The following ITPKC variants were observed in gnomAD, a reference collection of about 807,000 sequenced individuals.
The protein encoded by ITPKC is IP3 3-kinase C.
A neutral mutation model predicts 67.1 loss-of-function variants in ITPKC; 33 were observed. The ratio of observed to expected loss-of-function variants is 0.49; its 90% CI spans 0.37 to 0.66. The LOEUF (loss-of-function observed/expected upper bound fraction) is 0.66. Ranked by LOEUF, ITPKC falls within the 30% of genes least tolerant of loss-of-function variation. The pLI, the probability that ITPKC is intolerant of heterozygous loss-of-function variation, is 0.00. For synonymous variants in ITPKC, 341 were observed against 359.8 expected (o/e 0.95, Z 0.59); for missense variants, 820 against 892.1 (o/e 0.92, Z 1.03).
chr19:40,737,758 A>G lies in ITPKC; in HGVS notation c.1837A>G (p.Lys613Glu), dbSNP rs1282944504. 1 of 1,613,908 alleles carries G rather than the reference A, an allele frequency of 6.2e-7. No homozygotes were observed. Among genetic ancestry groups the G allele is most frequent in the Non-Finnish European group, 8.5e-7 (1 of 1,179,922 alleles). The change falls in exon 6 of 7, where the codon AAG (lysine) becomes GAG (glutamate). Residue 613 changes from lysine to glutamate, a missense_variant. Transcript: ENST00000263370. Reference protein sequence around the residue: ...REALEISPFFKTHEVVGSSLL... With the variant: ...REALEISPFFETHEVVGSSLL... ...AGCTCTGGAGATCTCCCCCTTCTTC[A>G]AGACCCACGAGGTGCGAGCCCTGGC...
At position 40,723,965 on chromosome 19, in the gene ITPKC, T is replaced by C. The variant is rs560422467; in HGVS notation, c.1156-1375T>C. Among the ~76,000 whole-genome samples, 3 of 152,368 alleles carry C rather than the reference T, an allele frequency of 2.0e-5. No homozygotes were observed. In the East Asian group the frequency reaches 5.8e-4, roughly 29 times the overall value. The stretch of plus-strand genomic sequence containing the variant: ...CAGGTCAGTGGTGGGTCAAGGGCTC[T>C]GCTTCATGCTGTCTTCACTCAGGGT... On this transcript the variant is annotated intron_variant, in intron 1 of 6. Transcript: ENST00000263370.
intron 3 of ITPKC, among the ~76,000 whole-genome samples, chr19:40,731,606 T>TG (rs1236900828): frequency 2.2e-5 from 3 of 138,070 alleles, no homozygotes; most frequent in Non-Finnish European, 4.8e-5. Flanking sequence ...TTTTTTTTTT[T>TG]TTTTTTTTTT....
Position 40,737,789 on chromosome 19 carries a change from T to C in ITPKC, c.1848+20T>C, listed in dbSNP as rs1292550624. ...CACGAGGTGCGAGCCCTGGCTTCCA[T>C]GGGTGGATGTATGGGTGTCGGGGTC... On this transcript the variant is annotated intron_variant, in intron 6 of 6. Coordinates refer to ENST00000263370, the MANE Select transcript of ITPKC (RefSeq NM_025194.3). 1 of 1,602,828 alleles carries C rather than the reference T, an allele frequency of 6.2e-7. No homozygotes were observed. The highest frequency in any genetic ancestry group is 8.5e-7 in the Non-Finnish European group (1 of 1,169,896).
Position 40,739,803 on chromosome 19 carries a change from G to A in ITPKC, c.*243G>A, listed in dbSNP as rs2082315538. ...TGGAAGGAAGGTGATGAGGCAGTGA[G>A]TCAGAAAAACCAGAACGGGGTCCCC... On this transcript the variant is annotated 3_prime_UTR_variant, in exon 7 of 7. Coordinates refer to ENST00000263370, the MANE Select transcript of ITPKC (RefSeq NM_025194.3). The A allele has an allele frequency of 1.8e-6, 1 of 557,388 alleles. No homozygotes were observed. Among genetic ancestry groups the A allele is most frequent in the South Asian group, 2.2e-5 (1 of 46,024 alleles). 34.5% of individuals were successfully genotyped at this position (557,388 alleles called of 1,614,324 possible).
intron 3 of ITPKC, among the ~76,000 whole-genome samples, chr19:40,731,763 A>G (rs2082272339): frequency 6.6e-6 from 1 of 152,058 alleles, no homozygotes; most frequent in African/African-American, 2.4e-5. Flanking sequence ...TTAAGACACC[A>G]GCATTCCTTC....
intron 2 of ITPKC, among the ~76,000 whole-genome samples, chr19:40,726,878 C>A (rs535260293): frequency 3.3e-5 from 5 of 151,518 alleles, no homozygotes; most frequent in African/African-American, 9.7e-5. Flanking sequence ...CTTGTCTCTA[C>A]GAAAAATAAA....
Position 40,718,300 on chromosome 19 carries a change from A to AC in ITPKC, c.1155+13dup. Reference sequence around the variant, plus strand: ...CGAGGACAGGTCTGGGGTGAGTGGGACCCATCCTGCCCTTGAGCCACATCA... The same window carrying AC: ...CGAGGACAGGTCTGGGGTGAGTGGGACCCCATCCTGCCCTTGAGCCACATCA... On this transcript the variant is annotated intron_variant, in intron 1 of 6. Coordinates refer to ENST00000263370, the MANE Select transcript of ITPKC (RefSeq NM_025194.3). The AC allele has an allele frequency of 2.0e-6, 3 of 1,503,338 alleles. No individual in the cohort carries two copies. Among genetic ancestry groups the AC allele is most frequent in the Non-Finnish European group, 1.8e-6 (2 of 1,131,608 alleles). The allele number at this position is 1,503,338 out of a possible 1,614,324, so 93.1% of individuals were successfully genotyped here. A position where few individuals can be genotyped will look rare whatever the true frequency, so the allele number is the denominator to read the frequency against.
At position 40,717,355 on chromosome 19, in the gene ITPKC, GC is replaced by G; in HGVS notation, c.222del (p.Gly75AlafsTer30). ...CAGCCTCCACAGCGAGCCTGAGAGG[GC>G]CGGCCTCGGGCCTGCGCCGGGGACA... The part of the protein sequence containing the change: ...GSSLHSEPER[A>X]GLGPAPGTES... On this transcript the variant is annotated frameshift_variant, in exon 1 of 7. Transcript: ENST00000263370. LOFTEE classifies it high-confidence loss of function. 6.2e-7 allele frequency: 1 copy of G among 1,611,092 alleles called. No individual in the cohort carries two copies.
At chr19:40,729,156 T>C in intron 2 of ITPKC, 46 bp from the exon 3 acceptor site, 1 of 1,511,340 alleles carries the variant, frequency 6.6e-7, no homozygotes, top group Non-Finnish European at 9.2e-7. Context: ...AGAGGTTCTC[T>C]TCCTGATCCA....
intron 2 of ITPKC, 117 bp from the exon 3 acceptor site, chr19:40,729,085 A>T: frequency 1.4e-6 from 1 of 731,162 alleles, no homozygotes; most frequent in South Asian, 1.7e-5. Flanking sequence ...GAGAGAAAGC[A>T]TTGCAGGAGG....
Position 40,737,045 on chromosome 19 carries a change from A to C in ITPKC, c.1734A>C (p.Thr578=). 6.3e-7 allele frequency: 1 copy of C among 1,592,626 alleles called. No individual in the cohort carries two copies. Among genetic ancestry groups the C allele is most frequent in the Non-Finnish European group, 8.6e-7 (1 of 1,167,974 alleles). The part of the protein sequence containing the change: ...FKKTQALEQV[T]KVLEDFVDGD... ...AGACGCAGGCACTGGAGCAGGTGAC[A>C]AAAGTGCTGGAGGACTTCGTGGATG... Residue 578 remains threonine, a synonymous_variant, in exon 5 of 7, where the codon ACA becomes ACC. Coordinates refer to ENST00000263370, the MANE Select transcript of ITPKC (RefSeq NM_025194.3).
At chr19:40,730,712 A>G (rs893682850) in intron 3 of ITPKC, among the ~76,000 whole-genome samples, 1 of 152,190 alleles carries the variant, frequency 6.6e-6, no homozygotes, top group South Asian at 2.1e-4. Context: ...CTGTAGGTGC[A>G]TACTATCACA....
intron 4 of ITPKC, 26 bp from the exon 5 acceptor site, chr19:40,736,960 C>A (rs755467840): frequency 1.3e-6 from 2 of 1,483,676 alleles, no homozygotes; most frequent in South Asian, 1.2e-5. Flanking sequence ...GCCCATGACC[C>A]TGCCCCTCCA....
At chr19:40,724,054 G>A (rs531485977) in intron 1 of ITPKC, among the ~76,000 whole-genome samples, 7 of 152,248 alleles carry the variant, frequency 4.6e-5, no homozygotes, top group African/African-American at 1.4e-4. Context: ...CAAACGTGGC[G>A]AGTCATAAAC....
At position 40,725,452 on chromosome 19, in the gene ITPKC, G is replaced by A. The variant is rs1271162712; in HGVS notation, c.1255+13G>A. 3.2e-6 allele frequency: 5 copies of A among 1,554,080 alleles called. No homozygotes were observed. The highest frequency in any genetic ancestry group is 3.6e-6 in the Non-Finnish European group (4 of 1,125,216). On this transcript the variant is annotated intron_variant, in intron 2 of 6. Coordinates refer to ENST00000263370, the MANE Select transcript of ITPKC (RefSeq NM_025194.3). ...TCTGGACATGCTGGTAAGTGGGGTG[G>A]TGGTGGACAGAGCTGGGCAGAGTCT...
intron 5 of ITPKC, among the ~76,000 whole-genome samples, chr19:40,737,365 A>G (rs749854678): frequency 6.6e-6 from 1 of 152,354 alleles, no homozygotes; most frequent in Middle Eastern, 3.4e-3. Context: ...GAGAACAAGT[A>G]AAAATGCAAG....
chr19:40,737,772 G>C lies in ITPKC; in HGVS notation c.1848+3G>C. 1 of 1,613,564 alleles carries C rather than the reference G, an allele frequency of 6.2e-7. No homozygotes were observed. The highest frequency in any genetic ancestry group is 8.5e-7 in the Non-Finnish European group (1 of 1,179,498). On this transcript the variant is annotated splice_donor_region_variant and intron_variant, in intron 6 of 6. Transcript: ENST00000263370. ...CCCCCTTCTTCAAGACCCACGAGGTGCGAGCCCTGGCTTCCATGGGTGGAT... is the reference window on the plus strand; with the variant it reads ...CCCCCTTCTTCAAGACCCACGAGGTCCGAGCCCTGGCTTCCATGGGTGGAT...
chr19:40,738,057 G>A (rs1465388465), intron 6 of ITPKC, among the ~76,000 whole-genome samples: 2 of 151,876 alleles, frequency 1.3e-5, no homozygotes, highest in Non-Finnish European at 2.9e-5. Context: ...ACTTTGGGAG[G>A]CTGAGGCGGG....
chr19:40,717,802 T>A lies in ITPKC; in HGVS notation c.667T>A (p.Trp223Arg). 1 of 1,613,948 alleles carries A rather than the reference T, an allele frequency of 6.2e-7. No individual in the cohort carries two copies. The highest frequency in any genetic ancestry group is 1.7e-4 in the Middle Eastern group (1 of 6,060). Residue 223 changes from tryptophan to arginine, a missense_variant, in exon 1 of 7, where the codon TGG becomes AGG. By Grantham distance (101) the Trp-to-Arg change is moderately radical. This residue lies in a region of ITPKC where 481 missense variants were observed against 470.1 expected (regional missense o/e 1.02). Coordinates refer to ENST00000263370, the MANE Select transcript of ITPKC (RefSeq NM_025194.3). ...PSKEPSADGS[W>R]KELYTDGSRT... ...AAAAGAGCCAAGTGCTGATGGCTCC[T>A]GGAAAGAATTGTATACTGATGGCTC...
Sources: gnomAD v4.1 joint callset for allele counts (sites outside exome capture counted in the v4.1 genomes callset) on GRCh38, gnomAD v4.1.1 for gene constraint, gnomAD v4.1.1 regional missense constraint, MANE v1.5 for transcripts, NCBI Gene and HGNC (gene_info 2026-07-23, HGNC 2026-07-21) for gene names.